ABCC4: variants seen among roughly 807,000 people sequenced by gnomAD.
ABCC4 encodes ATP binding cassette subfamily C member 4 (PEL blood group).
Under a neutral mutation model 168.5 loss-of-function variants are expected in ABCC4, and 102 were observed. The observed-to-expected ratio is 0.61, with a 90% CI of 0.52 to 0.71. The LOEUF is 0.71. Ranked by LOEUF, ABCC4 falls within the 30% of genes least tolerant of loss-of-function variation. ABCC4 has a pLI of 0.00. For synonymous variants in ABCC4, 617 were observed against 590.7 expected (o/e 1.04, Z -0.65); for missense variants, 1,402 against 1,605.8 (o/e 0.87, Z 2.17).
chr13:95,232,482 G>A (rs2039650886), intron 4 of ABCC4, among the ~76,000 whole-genome samples: 1 of 152,074 alleles, frequency 6.6e-6, no homozygotes, highest in South Asian at 2.1e-4. Flanking sequence ...TTCAAGACCA[G>A]CCTGGCCAAC....
chr13:95,200,577 C>T (rs371820327), intron 8 of ABCC4, among the ~76,000 whole-genome samples: 5 of 152,024 alleles, frequency 3.3e-5, no homozygotes, highest in African/African-American at 9.7e-5. Context: ...AAAAGTTAGC[C>T]GGGTGTGGTG....
intron 26 of ABCC4, among the ~76,000 whole-genome samples, chr13:95,059,580 C>T (rs1368539822): frequency 6.6e-6 from 1 of 152,144 alleles, no homozygotes; most frequent in Non-Finnish European, 1.5e-5. Context: ...AAGTGATAGC[C>T]TCACCTTTTG....
intron 30 of ABCC4, 76 bp from the exon 31 acceptor site, chr13:95,021,758 G>T: frequency 2.1e-6 from 2 of 972,160 alleles, no homozygotes; most frequent in South Asian, 1.5e-5. Flanking sequence ...ATGCACTTCT[G>T]TGTCTACTTC....
chr13:95,276,519 A>AG (rs2040975813), intron 1 of ABCC4, among the ~76,000 whole-genome samples: 1 of 151,092 alleles, frequency 6.6e-6, no homozygotes. Flanking sequence ...AAAAAAAAAA[A>AG]GAAAAAAAGA....
At position 95,142,839 on chromosome 13, in the gene ABCC4, T is replaced by G. The variant is rs185977810; in HGVS notation, c.2455+18350A>C. On this transcript the variant is annotated intron_variant, in intron 19 of 30. Coordinates refer to ENST00000645237, the MANE Select transcript of ABCC4 (RefSeq NM_005845.5). ...CTATTTTCCGCAAATTTCCAAATAC[T>G]GTTTGACTTCTACAGCAAACAAGAA... 3.3e-5 allele frequency among the ~76,000 whole-genome samples: 5 copies of G among 152,320 alleles called. No individual in the cohort carries two copies. The South Asian group carries it at 1.0e-3, about 32-fold the overall frequency.
At chr13:95,036,687 C>T (rs963335877) in intron 29 of ABCC4, among the ~76,000 whole-genome samples, 1 of 152,036 alleles carries the variant, frequency 6.6e-6, no homozygotes, top group East Asian at 1.9e-4. Flanking sequence ...GAACCATGAC[C>T]TTAATAATTT....
In ABCC4 at chr13:95,209,454, C is replaced by T; in HGVS notation, c.765G>A (p.Gly255=). ...IILLPLQSCF[G]KLFSSLRSKT... is the part of the protein sequence containing the mutation. ...CTTACCTCAGTGATGAGAACAACTT[C>T]CCAAAACAGCTTTGCAAGGGCAGGA... Residue 255 remains glycine, a synonymous_variant, in exon 6 of 31, where the codon GGG becomes GGA. Transcript: ENST00000645237. The T allele has an allele frequency of 6.2e-7, 1 of 1,614,144 alleles. No homozygotes were observed.
chr13:95,278,721 C>G (rs1474589965), intron 1 of ABCC4, among the ~76,000 whole-genome samples: 3 of 147,668 alleles, frequency 2.0e-5, no homozygotes, highest in African/African-American at 7.5e-5. Flanking sequence ...CACCTGAGCC[C>G]GAGCACAGGG....
At chr13:95,288,091 T>C (rs2041307342) in intron 1 of ABCC4, among the ~76,000 whole-genome samples, 1 of 152,064 alleles carries the variant, frequency 6.6e-6, no homozygotes, top group South Asian at 2.1e-4. Context: ...ATTTTTAAAA[T>C]ATAGTTCTTA....
At chr13:95,141,370 A>G (rs2036311039) in intron 19 of ABCC4, among the ~76,000 whole-genome samples, 1 of 152,196 alleles carries the variant, frequency 6.6e-6, no homozygotes, top group African/African-American at 2.4e-5. Context: ...TGCATTATTT[A>G]TCATCCGGGT....
chr13:95,213,962 G>C (rs2039036633), intron 4 of ABCC4, among the ~76,000 whole-genome samples: 1 of 151,916 alleles, frequency 6.6e-6, no homozygotes, highest in Non-Finnish European at 1.5e-5. Context: ...AACAGAAATA[G>C]ACCCTGAAAT....
chr13:95,174,205 G>C (rs967308463), intron 13 of ABCC4, among the ~76,000 whole-genome samples: 18 of 152,120 alleles, frequency 1.2e-4, no homozygotes, highest in Non-Finnish European at 2.4e-4. Context: ...TTTTGTATGT[G>C]ATAAAATCCA....
intron 27 of ABCC4, among the ~76,000 whole-genome samples, 180 bp from the exon 28 acceptor site, chr13:95,044,618 A>G (rs1234920720): frequency 1.3e-5 from 2 of 152,234 alleles, no homozygotes; most frequent in Non-Finnish European, 2.9e-5. Flanking sequence ...GAGTCAACAC[A>G]AAACGGAAAT....
rs1323639602 is a variant in ABCC4, at chr13:95,280,592, AAAC to A, written c.74+20646_74+20648del. ...TCTATTAAAAAAAAAAAAAAAAAAA[AAAC>A]CATCCAATTCCCAGAAGTCAAAGGC... On this transcript the variant is annotated intron_variant, in intron 1 of 30. Coordinates refer to ENST00000645237, the MANE Select transcript of ABCC4 (RefSeq NM_005845.5). Among the ~76,000 whole-genome samples the A allele has an allele frequency of 1.4e-4, 16 of 114,742 alleles. No homozygotes were observed. The Admixed American group carries it at 1.4e-3, about 10-fold the overall frequency. The allele number at this position is 114,742 out of a possible 152,430, so 75.3% of individuals were successfully genotyped here. A position where few individuals can be genotyped will look rare whatever the true frequency, so the allele number is the denominator to read the frequency against.
intron 19 of ABCC4, among the ~76,000 whole-genome samples, chr13:95,116,469 A>G (rs1409421441): frequency 6.6e-6 from 1 of 151,846 alleles, no homozygotes; most frequent in Non-Finnish European, 1.5e-5. Context: ...TTTTTTCCCC[A>G]GCCTGCTTGA....
intron 1 of ABCC4, among the ~76,000 whole-genome samples, chr13:95,269,837 A>G (rs2040798337): frequency 6.6e-6 from 1 of 152,222 alleles, no homozygotes; most frequent in East Asian, 1.9e-4. Flanking sequence ...GGGGTTTTGC[A>G]AGAAAAGAAA....
intron 20 of ABCC4, among the ~76,000 whole-genome samples, chr13:95,103,365 A>G (rs2034882945): frequency 6.6e-6 from 1 of 152,240 alleles, no homozygotes; most frequent in Admixed American, 6.5e-5. Context: ...ATCCTGAGGT[A>G]GAATCACCCT....
chr13:95,244,040 C>T (rs558986756), intron 3 of ABCC4, among the ~76,000 whole-genome samples: 3 of 152,160 alleles, frequency 2.0e-5, no homozygotes, highest in Non-Finnish European at 4.4e-5. Flanking sequence ...AATCCCCAAT[C>T]TGATTTCCCA....
chr13:95,292,483 G>T (rs1373629291), intron 1 of ABCC4, among the ~76,000 whole-genome samples: 1 of 152,208 alleles, frequency 6.6e-6, no homozygotes, highest in African/African-American at 2.4e-5. Context: ...GAGCGGCTCT[G>T]AACCTATTTT....
Sources: allele counts gnomAD v4.1 joint callset (sites outside exome capture counted in the v4.1 genomes callset), GRCh38; gene constraint gnomAD v4.1.1; transcripts MANE v1.5; gene names NCBI Gene and HGNC (gene_info 2026-07-23, HGNC 2026-07-21).